The following TRPM3 variants were observed in gnomAD, a reference collection of about 807,000 sequenced individuals.
TRPM3 encodes the protein transient receptor potential cation channel subfamily M member 3.
In TRPM3, 77 loss-of-function variants were observed where a neutral mutation model predicts 181.2. The ratio of observed to expected loss-of-function variants is 0.42; its 90% CI spans 0.35 to 0.51. TRPM3 has a LOEUF of 0.51. Among genes scored for constraint, TRPM3 ranks in the 20% least tolerant of loss-of-function variants. The pLI is 0.01. For missense variants in TRPM3, 1,759 were observed against 2,196.7 expected (o/e 0.80, Z 3.98); for synonymous variants, 745 against 796.4 (o/e 0.94, Z 1.09).
Position 70,535,771 on chromosome 9 carries a change from G to C in TRPM3, c.*182C>G. ...ATCCCCTGTGTCTGGCACTGGGTCA[G>C]ATCAAATGCTTTCTTGATCTGTGGC... On this transcript the variant is annotated 3_prime_UTR_variant, in exon 26 of 26. Transcript: ENST00000677713. 1 of 1,475,280 alleles carries C rather than the reference G, an allele frequency of 6.8e-7. No homozygotes were observed. Among genetic ancestry groups the C allele is most frequent in the Non-Finnish European group, 8.9e-7 (1 of 1,122,092 alleles). The allele number at this position is 1,475,280 out of a possible 1,614,324, so 91.4% of individuals were successfully genotyped here.
intron 1 of TRPM3, among the ~76,000 whole-genome samples, chr9:70,872,746 G>A (rs899057120): frequency 1.3e-5 from 2 of 151,928 alleles, no homozygotes; most frequent in Non-Finnish European, 2.9e-5. Flanking sequence ...TTGATCTGAT[G>A]TTGCCCCAGA....
chr9:70,861,554 C>A (rs912848483), intron 3 of TRPM3, among the ~76,000 whole-genome samples: 1 of 152,190 alleles, frequency 6.6e-6, no homozygotes, highest in Admixed American at 6.5e-5. Context: ...TCATTTACAG[C>A]ACTTTTCTTA....
chr9:71,141,013 G>A (rs560477906), intron 1 of TRPM3, among the ~76,000 whole-genome samples: 11 of 152,240 alleles, frequency 7.2e-5, no homozygotes, highest in African/African-American at 2.6e-4. Flanking sequence ...AGCTTGTTAT[G>A]TGTTCATTCA....
chr9:71,373,722 T>C (rs1365271915), intron 1 of TRPM3, among the ~76,000 whole-genome samples: 2 of 152,024 alleles, frequency 1.3e-5, no homozygotes, highest in Non-Finnish European at 2.9e-5. Context: ...GTACCATTTC[T>C]ACTGAAATTA....
intron 1 of TRPM3, among the ~76,000 whole-genome samples, chr9:71,043,920 T>G (rs2059121978): frequency 6.6e-6 from 1 of 152,180 alleles, no homozygotes. Context: ...CTGATCCTTT[T>G]TCATCTCTGC....
chr9:71,387,433 C>T (rs952189237), intron 1 of TRPM3, among the ~76,000 whole-genome samples: 1 of 152,088 alleles, frequency 6.6e-6, no homozygotes, highest in African/African-American at 2.4e-5. Flanking sequence ...ATCCTAAATA[C>T]CACATCTTAA....
At chr9:71,045,490 C>T (rs1404061738) in intron 1 of TRPM3, among the ~76,000 whole-genome samples, 1 of 152,126 alleles carries the variant, frequency 6.6e-6, no homozygotes, top group Non-Finnish European at 1.5e-5. Context: ...ACCCGGTGTA[C>T]AATTCGTTAT....
At chr9:71,089,302 T>C (rs2065816790) in intron 1 of TRPM3, among the ~76,000 whole-genome samples, 1 of 151,036 alleles carries the variant, frequency 6.6e-6, no homozygotes, top group Admixed American at 6.6e-5. Context: ...CAAAAGTGTT[T>C]TATAAGCTCC....
intron 1 of TRPM3, among the ~76,000 whole-genome samples, chr9:71,284,587 T>TA (rs1421061606): frequency 1.3e-5 from 2 of 152,188 alleles, no homozygotes; most frequent in Non-Finnish European, 2.9e-5. Flanking sequence ...ACATTTCTGA[T>TA]AAAAAAGATT....
intron 1 of TRPM3, among the ~76,000 whole-genome samples, chr9:71,086,476 T>C (rs1343111373): frequency 1.3e-5 from 2 of 152,018 alleles, no homozygotes; most frequent in Non-Finnish European, 2.9e-5. Flanking sequence ...TAGATTTAGA[T>C]GCCCATCACC....
At chr9:70,543,461 C>A (rs781653899) in intron 25 of TRPM3, among the ~76,000 whole-genome samples, 1 of 151,574 alleles carries the variant, frequency 6.6e-6, no homozygotes, top group Non-Finnish European at 1.5e-5. Context: ...TTTTTTGTAC[C>A]CATTAACCAT....
At chr9:70,885,909 C>T (rs1733360092) in intron 1 of TRPM3, among the ~76,000 whole-genome samples, 1 of 152,230 alleles carries the variant, frequency 6.6e-6, no homozygotes, top group East Asian at 1.9e-4. Flanking sequence ...ACAAATTGCC[C>T]TTAATAATAC....
intron 5 of TRPM3, among the ~76,000 whole-genome samples, chr9:70,837,581 C>CAAGCCTTCAG (rs2094403690): frequency 6.6e-6 from 1 of 152,176 alleles, no homozygotes; most frequent in African/African-American, 2.4e-5. Flanking sequence ...GACAAACAAT[C>CAAGCCTTCAG]AAGCCTTCAG....
At chr9:70,830,916 T>C (rs1021364116) in intron 5 of TRPM3, among the ~76,000 whole-genome samples, 1 of 152,240 alleles carries the variant, frequency 6.6e-6, no homozygotes, top group African/African-American at 2.4e-5. Context: ...GATTTTTCAA[T>C]TGTAAACTAG....
intron 1 of TRPM3, among the ~76,000 whole-genome samples, chr9:70,971,104 T>C (rs1802625293): frequency 6.6e-6 from 1 of 152,210 alleles, no homozygotes. Context: ...CTATGTAATG[T>C]ATGTTACATC....
chr9:70,836,102 C>T (rs1445192204), intron 5 of TRPM3, among the ~76,000 whole-genome samples: 1 of 152,104 alleles, frequency 6.6e-6, no homozygotes, highest in Admixed American at 6.6e-5. Flanking sequence ...GATAAACCTC[C>T]AGGTTAAAAC....
At chr9:70,826,494 G>A (rs2093564475) in intron 6 of TRPM3, 1 of 152,174 alleles carries the variant, frequency 6.6e-6, no homozygotes, top group Non-Finnish European at 1.5e-5. Flanking sequence ...AGGTTTCACT[G>A]TGAAAAATAT....
At chr9:71,226,555 A>C (rs1409403310) in intron 1 of TRPM3, among the ~76,000 whole-genome samples, 1 of 152,158 alleles carries the variant, frequency 6.6e-6, no homozygotes, top group African/African-American at 2.4e-5. Flanking sequence ...AAAATATCTC[A>C]AGTCAAAAAC....
chr9:70,566,708 G>C (rs1420075791), intron 22 of TRPM3, among the ~76,000 whole-genome samples: 4 of 152,130 alleles, frequency 2.6e-5, no homozygotes, highest in Non-Finnish European at 5.9e-5. Context: ...TGGCCCTGCT[G>C]TACCTAGTTG....
Sources: gnomAD v4.1 joint callset for allele counts (sites outside exome capture counted in the v4.1 genomes callset) on GRCh38, gnomAD v4.1.1 for gene constraint, MANE v1.5 for transcripts, NCBI Gene and HGNC (gene_info 2026-07-23, HGNC 2026-07-21) for gene names.